The following ROR1 variants were observed in gnomAD, a reference collection of about 807,000 sequenced individuals.
ROR1 encodes ROR family WNT receptor 1.
ROR1 carries 19 observed loss-of-function variants against 78.8 expected under a neutral mutation model. The ratio of observed to expected loss-of-function variants is 0.24; its 90% CI spans 0.17 to 0.35. The LOEUF is 0.35. Ranked by LOEUF, ROR1 falls within the 10% of genes least tolerant of loss-of-function variation. ROR1 has a pLI of 1.00. For missense variants in ROR1, 917 were observed against 1,177.8 expected (o/e 0.78, Z 3.24); for synonymous variants, 386 against 433.6 (o/e 0.89, Z 1.36).
intron 1 of ROR1, among the ~76,000 whole-genome samples, chr1:63,968,831 A>G (rs560106572): frequency 6.6e-6 from 1 of 152,360 alleles, no homozygotes; most frequent in Non-Finnish European, 1.5e-5. Context: ...CACAGCCAGC[A>G]TATGTCTAAA....
chr1:64,087,356 C>T (rs1041155576), intron 4 of ROR1, among the ~76,000 whole-genome samples: 6 of 152,130 alleles, frequency 3.9e-5, no homozygotes, highest in African/African-American at 9.7e-5. Flanking sequence ...TTATACAAAA[C>T]GTAAGTACGA....
intron 1 of ROR1, among the ~76,000 whole-genome samples, chr1:63,825,055 A>C (rs1644945353): frequency 6.6e-6 from 1 of 152,212 alleles, no homozygotes; most frequent in Non-Finnish European, 1.5e-5. Flanking sequence ...GGATGTAGAG[A>C]AACTGAAATC....
At chr1:64,052,904 A>G (rs1272267829) in intron 4 of ROR1, among the ~76,000 whole-genome samples, 2 of 151,386 alleles carry the variant, frequency 1.3e-5, no homozygotes, top group Non-Finnish European at 2.9e-5. Context: ...CTTAATTGCC[A>G]CCACTTCCCC....
In ROR1 at chr1:64,132,789, GAGAGAT is replaced by G. The variant is rs200968121; in HGVS notation, c.483-4577_483-4572del. ...AAAAAAAAAAAAAAAAAAAAAGAGA[GAGAGAT>G]AGGCATTTTAACTGAAATTATCCCC... On this transcript the variant is annotated intron_variant, in intron 4 of 8. Coordinates refer to ENST00000371079, the MANE Select transcript of ROR1 (RefSeq NM_005012.4). 4.4e-3 allele frequency among the ~76,000 whole-genome samples: 634 copies of G among 143,816 alleles called. 6 individuals carry two copies. The highest frequency in any genetic ancestry group is 0.016 in the African/African-American group (607 of 37,990). 94.3% of individuals were successfully genotyped at this position (143,816 alleles called of 152,430 possible). A position where few individuals can be genotyped will look rare whatever the true frequency, so the allele number is the denominator to read the frequency against.
intron 1 of ROR1, among the ~76,000 whole-genome samples, chr1:63,975,972 A>G (rs923206413): frequency 1.3e-5 from 2 of 152,212 alleles, no homozygotes; most frequent in African/African-American, 4.8e-5. Flanking sequence ...TTGATCATTC[A>G]CTGGGCTAAT....
chr1:63,849,430 G>T (rs1449818952), intron 1 of ROR1, among the ~76,000 whole-genome samples: 1 of 152,194 alleles, frequency 6.6e-6, no homozygotes, highest in East Asian at 1.9e-4. Flanking sequence ...AGGAGCAGTG[G>T]CTAACACCTG....
chr1:63,800,230 A>G (rs556789570), intron 1 of ROR1, among the ~76,000 whole-genome samples: 45 of 152,292 alleles, frequency 3.0e-4, no homozygotes, highest in African/African-American at 1.1e-3. Flanking sequence ...TTAATTCCTT[A>G]AGATATTCTG....
intron 1 of ROR1, among the ~76,000 whole-genome samples, chr1:63,932,515 C>T (rs1645761794): frequency 6.6e-6 from 1 of 152,150 alleles, no homozygotes; most frequent in Non-Finnish European, 1.5e-5. Context: ...AATTCTCTAC[C>T]ATCCTGGCTT....
At chr1:64,003,150 C>A (rs1646399555) in intron 1 of ROR1, among the ~76,000 whole-genome samples, 1 of 152,036 alleles carries the variant, frequency 6.6e-6, no homozygotes, top group Non-Finnish European at 1.5e-5. Flanking sequence ...CAAGCAGAGT[C>A]TTTTGGACTT....
chr1:63,966,809 T>G (rs566991012), intron 1 of ROR1, among the ~76,000 whole-genome samples: 8 of 152,230 alleles, frequency 5.3e-5, no homozygotes, highest in Non-Finnish European at 1.2e-4. Context: ...AGGCTCATCT[T>G]CTTTACTGGA....
At chr1:64,071,658 C>CTCATCTGGATTTTCCCATCA (rs1490824702) in intron 4 of ROR1, among the ~76,000 whole-genome samples, 6 of 151,748 alleles carry the variant, frequency 4.0e-5, no homozygotes, top group African/African-American at 1.5e-4. Flanking sequence ...GGGTTTCATC[C>CTCATCTGGATTTTCCCATCA]TCATCTGGAT....
In ROR1 at chr1:63,926,406, C is replaced by T. The variant is rs533690007; in HGVS notation, c.92-82899C>T. On this transcript the variant is annotated intron_variant, in intron 1 of 8. Coordinates refer to ENST00000371079, the MANE Select transcript of ROR1 (RefSeq NM_005012.4). ...TTTTGGTACCAGTACCATGCTGTTA[C>T]TGTAGCCTTGTAGTATAGTTTGAAG... Among the ~76,000 whole-genome samples, 21 of 152,186 alleles carry T rather than the reference C, an allele frequency of 1.4e-4. No individual in the cohort carries two copies. In the East Asian group the frequency reaches 2.5e-3, roughly 18 times the overall value.
intron 1 of ROR1, among the ~76,000 whole-genome samples, chr1:63,794,970 A>G (rs1184768517): frequency 1.3e-5 from 2 of 152,004 alleles, no homozygotes; most frequent in African/African-American, 4.8e-5. Context: ...GTTTTGGTAC[A>G]TGCCTTAAGA....
intron 1 of ROR1, among the ~76,000 whole-genome samples, chr1:63,911,757 A>T (rs1645571931): frequency 6.6e-6 from 1 of 152,180 alleles, no homozygotes; most frequent in Non-Finnish European, 1.5e-5. Flanking sequence ...GAAGAAACAA[A>T]AAACTGAAGG....
At chr1:63,832,153 C>A (rs1057293047) in intron 1 of ROR1, among the ~76,000 whole-genome samples, 6 of 152,158 alleles carry the variant, frequency 3.9e-5, no homozygotes, top group African/African-American at 1.4e-4. Flanking sequence ...TGGTAAAAAT[C>A]ATTAAACAAG....
chr1:64,009,378 T>C lies in ROR1; in HGVS notation c.163+2T>C. ...ACATCTCAAGTGAACTCAACAAAGG[T>C]ACACAGTGGGGGCACACAGGGGAGG... On this transcript the variant is annotated splice_donor_variant, in intron 2 of 8. Coordinates refer to ENST00000371079, the MANE Select transcript of ROR1 (RefSeq NM_005012.4). LOFTEE classifies it high-confidence loss of function. The C allele has an allele frequency of 1.2e-6, 2 of 1,610,700 alleles. No homozygotes were observed. Among genetic ancestry groups the C allele is most frequent in the African/African-American group, 2.7e-5 (2 of 74,852 alleles).
At chr1:64,046,166 T>G (rs891007981) in intron 2 of ROR1, among the ~76,000 whole-genome samples, 24 of 152,136 alleles carry the variant, frequency 1.6e-4, no homozygotes, top group Non-Finnish European at 3.4e-4. Flanking sequence ...GCCCAGATTA[T>G]GAATCCAAAG....
chr1:63,980,268 C>T (rs1233502743), intron 1 of ROR1, among the ~76,000 whole-genome samples: 5 of 151,814 alleles, frequency 3.3e-5, no homozygotes, highest in African/African-American at 7.3e-5. Context: ...AGGAACTAGC[C>T]CAGGGTTATG....
At chr1:63,999,994 T>C (rs1488180440) in intron 1 of ROR1, among the ~76,000 whole-genome samples, 1 of 152,164 alleles carries the variant, frequency 6.6e-6, no homozygotes, top group Admixed American at 6.5e-5. Flanking sequence ...GACTTTGAAT[T>C]GGCCAGAGAC....
Sources: allele counts gnomAD v4.1 joint callset (sites outside exome capture counted in the v4.1 genomes callset), GRCh38; gene constraint gnomAD v4.1.1; transcripts MANE v1.5; gene names NCBI Gene and HGNC (gene_info 2026-07-23, HGNC 2026-07-21).